NFXL1: variants seen among roughly 807,000 people sequenced by gnomAD.
The protein encoded by NFXL1 is nuclear transcription factor, X-box binding like 1.
In NFXL1, 66 loss-of-function variants were observed where a neutral mutation model predicts 123.3. The observed-to-expected ratio is 0.54, with a 90% CI of 0.44 to 0.66. NFXL1 has a LOEUF of 0.66. NFXL1 is among the 30% of genes least tolerant of loss of function. NFXL1 has a pLI of 0.00. For missense variants in NFXL1, 944 were observed against 1,125.6 expected (o/e 0.84, Z 2.31); for synonymous variants, 346 against 360.8 (o/e 0.96, Z 0.46).
intron 18 of NFXL1, 102 bp from the exon 19 acceptor site, chr4:47,863,017 T>G (rs1477480240): frequency 2.9e-6 from 2 of 688,738 alleles, no homozygotes; most frequent in African/African-American, 3.7e-5. Flanking sequence ...AAAATTATCT[T>G]TTTTCCTCAA....
chr4:47,911,672 G>C (rs1737835877), intron 2 of NFXL1, among the ~76,000 whole-genome samples: 1 of 152,180 alleles, frequency 6.6e-6, no homozygotes, highest in Non-Finnish European at 1.5e-5. Flanking sequence ...ATTCCAAAAA[G>C]AATGTTAATT....
intron 11 of NFXL1, 81 bp from the exon 12 acceptor site, chr4:47,890,784 T>C: frequency 1.4e-6 from 1 of 733,018 alleles, no homozygotes. Context: ...TTACAGAACT[T>C]ATGGAAAGCA....
chr4:47,850,298 T>A (rs1734052034), intron 22 of NFXL1, among the ~76,000 whole-genome samples: 1 of 152,116 alleles, frequency 6.6e-6, no homozygotes, highest in Admixed American at 6.5e-5. Flanking sequence ...ATTTACTACA[T>A]GAATTGTTTC....
intron 18 of NFXL1, among the ~76,000 whole-genome samples, chr4:47,864,844 ATAAGT>A (rs1446635418): frequency 2.0e-5 from 3 of 152,214 alleles, no homozygotes; most frequent in Non-Finnish European, 4.4e-5. Context: ...ACCAGTAAAC[ATAAGT>A]TAAGTTTTTC....
chr4:47,881,151 C>T (rs1198368865), intron 15 of NFXL1, among the ~76,000 whole-genome samples: 8 of 151,614 alleles, frequency 5.3e-5, no homozygotes, highest in Non-Finnish European at 1.2e-4. Flanking sequence ...TTACAGATAA[C>T]GATAGTTAAC....
At chr4:47,912,350 A>G (rs1208448882) in intron 2 of NFXL1, among the ~76,000 whole-genome samples, 2 of 152,174 alleles carry the variant, frequency 1.3e-5, no homozygotes, top group Non-Finnish European at 2.9e-5. Flanking sequence ...TTCACCTAAC[A>G]TCATCTCAAA....
At chr4:47,880,274 G>C (rs1467550297) in intron 15 of NFXL1, among the ~76,000 whole-genome samples, 1 of 151,586 alleles carries the variant, frequency 6.6e-6, no homozygotes. Flanking sequence ...ACATAATAGT[G>C]CACGCCTAGT....
chr4:47,893,959 C>T (rs1736927966), intron 11 of NFXL1, among the ~76,000 whole-genome samples: 1 of 151,770 alleles, frequency 6.6e-6, no homozygotes, highest in Non-Finnish European at 1.5e-5. Context: ...GAGGACAATG[C>T]ACAGGACAAG....
intron 15 of NFXL1, among the ~76,000 whole-genome samples, chr4:47,883,123 A>T (rs565717140): frequency 6.6e-6 from 1 of 152,240 alleles, no homozygotes; most frequent in South Asian, 2.1e-4. Context: ...GTTTTTATCA[A>T]GAAAGTGTGT....
Position 47,885,433 on chromosome 4 carries a change from A to C in NFXL1, c.1824+65T>G, listed in dbSNP as rs1736370053. On this transcript the variant is annotated intron_variant, in intron 14 of 22. Coordinates refer to ENST00000507489, the MANE Select transcript of NFXL1 (RefSeq NM_001278624.2). Reference sequence around the variant, plus strand: ...CTTAATCATTGCTCATTGAAAAACTAAGTAAAAGCAAGAAAGTACAACCCA... The same window carrying C: ...CTTAATCATTGCTCATTGAAAAACTCAGTAAAAGCAAGAAAGTACAACCCA... The C allele has an allele frequency of 6.0e-6, 8 of 1,329,626 alleles. No homozygotes were observed. In the South Asian group the frequency reaches 1.1e-4, roughly 18 times the overall value. 82.4% of individuals were successfully genotyped at this position (1,329,626 alleles called of 1,614,324 possible).
At chr4:47,882,351 G>C (rs533079372) in intron 15 of NFXL1, 1 of 152,338 alleles carries the variant, frequency 6.6e-6, no homozygotes, top group African/African-American at 2.4e-5. Flanking sequence ...AAAAGGTGAT[G>C]ATGATGACAC....
At chr4:47,903,902 TAAGA>T (rs1737452449) in intron 4 of NFXL1, among the ~76,000 whole-genome samples, 3 of 152,312 alleles carry the variant, frequency 2.0e-5, no homozygotes, top group Admixed American at 6.5e-5. Context: ...TTTAAAAGCT[TAAGA>T]AATAATACTA....
At chr4:47,908,135 G>A (rs1210006965) in intron 3 of NFXL1, among the ~76,000 whole-genome samples, 1 of 152,196 alleles carries the variant, frequency 6.6e-6, no homozygotes, top group Non-Finnish European at 1.5e-5. Context: ...CTGAAGACTT[G>A]ATTAACTCTC....
At chr4:47,877,907 A>C (rs1387410710) in intron 17 of NFXL1, among the ~76,000 whole-genome samples, 2 of 152,008 alleles carry the variant, frequency 1.3e-5, no homozygotes, top group African/African-American at 2.4e-5. Context: ...TCTAGAAAAA[A>C]ATTATTTTAA....
chr4:47,884,312 GTTTT>G (rs747096244), intron 15 of NFXL1, 30 bp downstream of exon 15: 1 of 802,044 alleles, frequency 1.2e-6, no homozygotes, highest in Non-Finnish European at 1.8e-6. Context: ...AAAGTTTTTT[GTTTT>G]TTTTTTTTAA....
At chr4:47,874,544 A>G (rs2110064788) in intron 18 of NFXL1, among the ~76,000 whole-genome samples, 1 of 152,314 alleles carries the variant, frequency 6.6e-6, no homozygotes, top group East Asian at 1.9e-4. Context: ...GCACCCCAAA[A>G]CAATTACAAT....
intron 3 of NFXL1, 39 bp downstream of exon 3, chr4:47,910,785 T>C (rs773402144): frequency 2.2e-6 from 3 of 1,344,866 alleles, no homozygotes; most frequent in Non-Finnish European, 2.0e-6. Context: ...GGAATACAGT[T>C]TCATTGACGT....
intron 12 of NFXL1, among the ~76,000 whole-genome samples, chr4:47,889,118 T>A (rs1199821884): frequency 1.3e-5 from 2 of 152,314 alleles, no homozygotes; most frequent in South Asian, 2.1e-4. Flanking sequence ...TAAATTTTTA[T>A]CTTATATAGA....
intron 14 of NFXL1, among the ~76,000 whole-genome samples, chr4:47,885,187 A>G (rs1331553633): frequency 6.6e-6 from 1 of 151,598 alleles, no homozygotes; most frequent in Non-Finnish European, 1.5e-5. Flanking sequence ...TAAAAAGTGA[A>G]TAAATCTTTA....
Sources: allele counts gnomAD v4.1 joint callset (sites outside exome capture counted in the v4.1 genomes callset), GRCh38; gene constraint gnomAD v4.1.1; transcripts MANE v1.5; gene names NCBI Gene and HGNC (gene_info 2026-07-23, HGNC 2026-07-21).